The following CSMD3 variants were observed in gnomAD, a reference collection of about 807,000 sequenced individuals.
CSMD3 encodes CUB and sushi domain-containing protein 3.
A neutral mutation model predicts 435.2 loss-of-function variants in CSMD3; 177 were observed. That is an observed-to-expected ratio of 0.41 (90% confidence interval 0.36 to 0.46). The LOEUF is 0.46. Among genes scored for constraint, CSMD3 ranks in the 20% least tolerant of loss-of-function variants. The pLI is 0.34. For synonymous variants in CSMD3, 1,656 were observed against 1,520.5 expected, an observed-to-expected ratio of 1.09 and a Z score of -2.07; for missense variants, 4,265 against 4,504.6, an observed-to-expected ratio of 0.95 and a Z score of 1.52.
intron 27 of CSMD3, chr8:112,539,332 T>G (rs182492268): frequency 6.6e-6 from 1 of 152,266 alleles, no homozygotes; most frequent in African/African-American, 2.4e-5. Flanking sequence ...TGCAAAATTT[T>G]TATTTAGTAA....
chr8:113,410,062 C>G (rs1040520973), intron 1 of CSMD3, among the ~76,000 whole-genome samples: 2 of 152,126 alleles, frequency 1.3e-5, no homozygotes, highest in African/African-American at 4.8e-5. Context: ...ACTGTCATCA[C>G]AGATGATATT....
chr8:112,256,339 G>C (rs978763774), intron 61 of CSMD3, among the ~76,000 whole-genome samples: 1 of 152,148 alleles, frequency 6.6e-6, no homozygotes, highest in African/African-American at 2.4e-5. Context: ...GATCAAGCCT[G>C]TATGTATGTG....
At chr8:113,052,898 T>G (rs1381008479) in intron 5 of CSMD3, among the ~76,000 whole-genome samples, 1 of 152,244 alleles carries the variant, frequency 6.6e-6, no homozygotes, top group Non-Finnish European at 1.5e-5. Context: ...AAAAATCTGA[T>G]GTGAATTCAA....
At chr8:113,382,359 G>A (rs1302358633) in intron 1 of CSMD3, among the ~76,000 whole-genome samples, 1 of 152,064 alleles carries the variant, frequency 6.6e-6, no homozygotes, top group African/African-American at 2.4e-5. Context: ...CTTAATTTGA[G>A]TTCACAATAA....
At chr8:113,248,466 G>A (rs1410017708) in intron 3 of CSMD3, among the ~76,000 whole-genome samples, 5 of 800 alleles carry the variant, frequency 6.3e-3, no homozygotes, top group Admixed American at 0.04. Context: ...ATGTGTGTGT[G>A]TGATATATAT....
chr8:112,811,155 C>T (rs1454028040), intron 12 of CSMD3, among the ~76,000 whole-genome samples: 1 of 110,222 alleles, frequency 9.1e-6, no homozygotes, highest in East Asian at 4.3e-4. Flanking sequence ...TTGATAACTG[C>T]AAACTGCCCA....
intron 18 of CSMD3, among the ~76,000 whole-genome samples, chr8:112,651,056 G>A (rs2075114751): frequency 1.3e-5 from 2 of 152,166 alleles, no homozygotes; most frequent in Admixed American, 1.3e-4. Flanking sequence ...TTCGATGCCA[G>A]TAGCATTTCT....
At chr8:113,404,100 A>G (rs996344464) in intron 1 of CSMD3, among the ~76,000 whole-genome samples, 2 of 151,448 alleles carry the variant, frequency 1.3e-5, no homozygotes, top group Admixed American at 1.3e-4. Context: ...CATATAGCAC[A>G]TTTCTTCTGA....
At chr8:112,331,564 AT>A (rs4030103) in intron 45 of CSMD3, among the ~76,000 whole-genome samples, 101,414 of 151,620 alleles carry the variant, frequency 0.67, 35,699 homozygotes, top group African/African-American at 0.89. Context: ...AAAAACATAC[AT>A]TTTTTTCCCT....
intron 7 of CSMD3, among the ~76,000 whole-genome samples, chr8:112,970,295 T>G (rs1000558791): frequency 1.3e-5 from 2 of 148,596 alleles, no homozygotes; most frequent in African/African-American, 5.0e-5. Flanking sequence ...TTAAGTTAAA[T>G]ATTAACTTAA....
chr8:112,909,634 C>T (rs1388338338), intron 10 of CSMD3, among the ~76,000 whole-genome samples: 1 of 151,668 alleles, frequency 6.6e-6, no homozygotes, highest in South Asian at 2.1e-4. Context: ...TGCAAACCTA[C>T]ATTTGTCGTG....
At chr8:113,249,016 T>G (rs2132287292) in intron 3 of CSMD3, among the ~76,000 whole-genome samples, 1 of 152,152 alleles carries the variant, frequency 6.6e-6, no homozygotes, top group Non-Finnish European at 1.5e-5. Context: ...GTGTCAAGGG[T>G]AGGACCAGAT....
chr8:112,382,861 C>T (rs1029227932), intron 37 of CSMD3, among the ~76,000 whole-genome samples: 3 of 152,056 alleles, frequency 2.0e-5, no homozygotes, highest in African/African-American at 2.4e-5. Flanking sequence ...CGTAGTGACG[C>T]ATGTCTGTAA....
At chr8:112,478,439 T>C (rs1270644842) in intron 31 of CSMD3, among the ~76,000 whole-genome samples, 1 of 152,168 alleles carries the variant, frequency 6.6e-6, no homozygotes, top group African/African-American at 2.4e-5. Flanking sequence ...AGGTCTCCGA[T>C]GGAAATGAGG....
chr8:113,033,397 C>T (rs912803998), intron 5 of CSMD3, among the ~76,000 whole-genome samples: 1 of 151,630 alleles, frequency 6.6e-6, no homozygotes, highest in African/African-American at 2.4e-5. Context: ...GTGAGGCATA[C>T]AGTCAAAGGA....
chr8:112,712,655 A>C (rs1473649943), intron 13 of CSMD3, among the ~76,000 whole-genome samples: 3 of 152,152 alleles, frequency 2.0e-5, no homozygotes, highest in Non-Finnish European at 4.4e-5. Context: ...TCGAGGCATT[A>C]AGACATTTGT....
At chr8:112,287,462 A>G (rs1050126749) in intron 57 of CSMD3, among the ~76,000 whole-genome samples, 2 of 152,148 alleles carry the variant, frequency 1.3e-5, no homozygotes, top group African/African-American at 4.8e-5. Flanking sequence ...TTACTTTTTT[A>G]TCAGTGAATT....
chr8:112,587,788 A>G (rs4471077), intron 22 of CSMD3, among the ~76,000 whole-genome samples: 91,034 of 151,488 alleles, frequency 0.6, 28,440 homozygotes, highest in African/African-American at 0.77. Context: ...GGTAATAACA[A>G]TTAAACAATA....
At chr8:113,140,585 C>T (rs1318283722) in intron 4 of CSMD3, among the ~76,000 whole-genome samples, 2 of 150,860 alleles carry the variant, frequency 1.3e-5, no homozygotes, top group East Asian at 1.9e-4. Context: ...ATAATCAAAC[C>T]GGATATCTAT....
Sources: gnomAD v4.1 joint callset for allele counts (sites outside exome capture counted in the v4.1 genomes callset) on GRCh38, gnomAD v4.1.1 for gene constraint, MANE v1.5 for transcripts, NCBI Gene and HGNC (gene_info 2026-07-23, HGNC 2026-07-21) for gene names.